ZNF469: variants seen among roughly 807,000 people sequenced by gnomAD.
ZNF469 encodes the protein zinc finger protein 469.
A neutral mutation model predicts 1.0 loss-of-function variants in ZNF469; 1 was observed. That is an observed-to-expected ratio of 1.00 (90% confidence interval 0.35 to 4.73). ZNF469 has a LOEUF of 4.73. Ranked by LOEUF, ZNF469 falls within the 30% of genes most tolerant of loss-of-function variation. The probability of loss-of-function intolerance (pLI) is 0.16; values close to 1 mark genes in which losing one functional copy is unlikely to be tolerated. For synonymous variants in ZNF469, 2,703 were observed against 2,363.4 expected (o/e 1.14, Z -4.17); for missense variants, 6,100 against 5,356.3 (o/e 1.14, Z -4.33).
the ZNF469 span, among the ~76,000 whole-genome samples, chr16:88,110,244 C>G: frequency 6.6e-6 from 1 of 152,178 alleles, no homozygotes. Flanking sequence ...TTCAGACCCC[C>G]GGGGGGCCGC....
the ZNF469 span, among the ~76,000 whole-genome samples, chr16:88,192,967 A>G: frequency 9.8e-4 from 142 of 144,332 alleles, no homozygotes; most frequent in African/African-American, 3.5e-3. Flanking sequence ...GATGATGGTG[A>G]TGGTAGTGAT....
intron 2 of ZNF469, among the ~76,000 whole-genome samples, chr16:88,426,172 CTG>C (rs1282416894): frequency 2.6e-5 from 4 of 152,248 alleles, no homozygotes; most frequent in Non-Finnish European, 4.4e-5. Flanking sequence ...AGCAGGGTCT[CTG>C]AGAGTGCTCC....
the ZNF469 span, among the ~76,000 whole-genome samples, chr16:88,184,838 G>A: frequency 6.6e-6 from 1 of 151,988 alleles, no homozygotes; most frequent in East Asian, 1.9e-4. Context: ...ACTCCCTCTC[G>A]GGCTGGCTTG....
the ZNF469 span, among the ~76,000 whole-genome samples, chr16:88,164,229 GGATAA>G: frequency 6.6e-6 from 1 of 151,842 alleles, no homozygotes; most frequent in African/African-American, 2.4e-5. Context: ...TGGATGGGTG[GGATAA>G]GTGGATGAAT....
At chr16:88,152,921 A>G in the ZNF469 span, among the ~76,000 whole-genome samples, 2 of 152,160 alleles carry the variant, frequency 1.3e-5, no homozygotes, top group East Asian at 1.9e-4. The surrounding 1 kb of genome is among the most constrained non-coding windows in gnomAD (Gnocchi z 4.2). Context: ...CAAGGGGATC[A>G]GCTCCAAATG....
intron 1 of ZNF469, among the ~76,000 whole-genome samples, chr16:88,416,135 C>T (rs1167537462): frequency 6.6e-6 from 1 of 152,250 alleles, no homozygotes; most frequent in African/African-American, 2.4e-5. Context: ...ACCCATTAAT[C>T]ATGTCACTCA....
At chr16:88,256,715 T>C in the ZNF469 span, among the ~76,000 whole-genome samples, 6 of 152,218 alleles carry the variant, frequency 3.9e-5, no homozygotes, top group South Asian at 1.0e-3. Context: ...TCGCCCAGCA[T>C]TTGGTGTTGT....
chr16:88,220,653 G>A, the ZNF469 span, among the ~76,000 whole-genome samples: 4 of 152,152 alleles, frequency 2.6e-5, no homozygotes, highest in African/African-American at 7.2e-5. Context: ...AGCTGAGGAA[G>A]ATGAGGGAGA....
chr16:88,247,180 G>A, the ZNF469 span, among the ~76,000 whole-genome samples: 33 of 151,882 alleles, frequency 2.2e-4, no homozygotes, highest in African/African-American at 7.7e-4. Context: ...CTGAGTGAAT[G>A]AGTGAGTGAA....
intron 1 of ZNF469, among the ~76,000 whole-genome samples, chr16:88,399,744 A>G (rs4782349): frequency 0.26 from 39,164 of 152,196 alleles, 5,623 homozygotes; most frequent in African/African-American, 0.39. Context: ...CCAGCTGTGC[A>G]CCCCTCTCTG....
At chr16:88,251,712 C>T in the ZNF469 span, among the ~76,000 whole-genome samples, 2 of 151,684 alleles carry the variant, frequency 1.3e-5, no homozygotes, top group Non-Finnish European at 2.9e-5. Flanking sequence ...GTGCATACCA[C>T]CACACCTGGC....
the ZNF469 span, among the ~76,000 whole-genome samples, chr16:88,187,367 C>G: frequency 2.0e-5 from 3 of 152,226 alleles, no homozygotes; most frequent in Non-Finnish European, 4.4e-5. Flanking sequence ...GTTCTATTAA[C>G]AGCAAAATTC....
At chr16:88,184,619 G>C in the ZNF469 span, among the ~76,000 whole-genome samples, 2 of 152,002 alleles carry the variant, frequency 1.3e-5, no homozygotes, top group Non-Finnish European at 2.9e-5. Flanking sequence ...AAGCTGCAGA[G>C]TTCTGGAGCT....
At chr16:88,316,507 C>T in the ZNF469 span, among the ~76,000 whole-genome samples, 3 of 144,592 alleles carry the variant, frequency 2.1e-5, no homozygotes, top group Non-Finnish European at 4.5e-5. Context: ...AGCCAGTGTG[C>T]GTCAGCTTGG....
chr16:88,365,056 A>G, the ZNF469 span, among the ~76,000 whole-genome samples: 1 of 152,230 alleles, frequency 6.6e-6, no homozygotes, highest in Admixed American at 6.5e-5. Flanking sequence ...TGTTATTTCA[A>G]ATGGTATCAA....
At chr16:88,213,088 C>T in the ZNF469 span, among the ~76,000 whole-genome samples, 1 of 151,656 alleles carries the variant, frequency 6.6e-6, no homozygotes, top group Admixed American at 6.6e-5. Flanking sequence ...TGTTTTGATT[C>T]CGTATTCTGT....
At chr16:88,113,005 C>G in the ZNF469 span, among the ~76,000 whole-genome samples, 1 of 152,080 alleles carries the variant, frequency 6.6e-6, no homozygotes, top group Non-Finnish European at 1.5e-5. Flanking sequence ...GTCTCGATCT[C>G]CTGACCTCGT....
At chr16:88,327,587 A>T in the ZNF469 span, among the ~76,000 whole-genome samples, 81 of 151,872 alleles carry the variant, frequency 5.3e-4, no homozygotes, top group African/African-American at 1.9e-3. Flanking sequence ...GGGCTGCGTC[A>T]CCGGCAGCAG....
the ZNF469 span, among the ~76,000 whole-genome samples, chr16:88,216,851 T>G: frequency 1.3e-5 from 2 of 152,152 alleles, no homozygotes; most frequent in Non-Finnish European, 2.9e-5. Context: ...TGCTTCAGTT[T>G]GCTTATGTTC....
Sources: allele counts gnomAD v4.1 joint callset (sites outside exome capture counted in the v4.1 genomes callset), GRCh38; gene constraint gnomAD v4.1.1; non-coding constraint Gnocchi (gnomAD v3.1); transcripts MANE v1.5; gene names NCBI Gene and HGNC (gene_info 2026-07-23, HGNC 2026-07-21).